Variants in POLR1A observed in about 807,000 individuals in gnomAD.
POLR1A encodes RNA polymerase I subunit A, also known as DNA-directed RNA polymerase I subunit RPA1.
In POLR1A, 84 loss-of-function variants were observed where a neutral mutation model predicts 205.3. That is an observed-to-expected ratio of 0.41 (90% CI 0.34 to 0.49). The LOEUF is 0.49. Among genes scored for constraint, POLR1A ranks in the 20% least tolerant of loss-of-function variants. The probability of loss-of-function intolerance (pLI) is 0.22; values close to 1 mark genes in which losing one functional copy is unlikely to be tolerated. For missense variants in POLR1A, 1,645 were observed against 2,204.5 expected (o/e 0.75, Z 5.08); for synonymous variants, 799 against 863.7 (o/e 0.93, Z 1.31).
At chr2:86,049,894 C>T (rs770381737) in intron 16 of POLR1A, among the ~76,000 whole-genome samples, 2 of 152,088 alleles carry the variant, frequency 1.3e-5, no homozygotes, top group African/African-American at 2.4e-5. Context: ...TCCACATCAA[C>T]TCTTGATCAA....
In POLR1A at chr2:86,078,135, G is replaced by A; in HGVS notation, c.1236C>T (p.Asp412=). 1 of 1,613,222 alleles carries A rather than the reference G, an allele frequency of 6.2e-7. No individual in the cohort carries two copies. The highest frequency in any genetic ancestry group is 8.5e-7 in the Non-Finnish European group (1 of 1,179,840). Residue 412 remains aspartate, a synonymous_variant, in exon 10 of 34, where the codon GAC becomes GAT. Coordinates refer to ENST00000263857, the MANE Select transcript of POLR1A (RefSeq NM_015425.6). ...FDSEMDKLMM[D]KYPGIRQILE... ...TCACCTGCCTAATGCCTGGGTACTTGTCCATCATTAGTTTGTCCATCTCGC... is the reference window on the plus strand; with the variant it reads ...TCACCTGCCTAATGCCTGGGTACTTATCCATCATTAGTTTGTCCATCTCGC...
intron 1 of POLR1A, among the ~76,000 whole-genome samples, chr2:86,101,072 A>G (rs1017160178): frequency 6.6e-6 from 1 of 152,208 alleles, no homozygotes; most frequent in Non-Finnish European, 1.5e-5. Flanking sequence ...ATTTGACAAC[A>G]TTAAACACAT....
At chr2:86,105,628 CT>C (rs1673912598) in intron 1 of POLR1A, 71 bp downstream of exon 1, 2 of 1,026,054 alleles carry the variant, frequency 1.9e-6, no homozygotes, top group Non-Finnish European at 3.1e-6. Context: ...GGCAAAAGCG[CT>C]TCTGGGAATC....
intron 23 of POLR1A, 130 bp downstream of exon 23, chr2:86,042,844 G>A: frequency 1.4e-6 from 1 of 721,904 alleles, no homozygotes; most frequent in Non-Finnish European, 2.4e-6. Flanking sequence ...GAGCCATTCT[G>A]TTCTGACTGA....
chr2:86,077,750 G>A, intron 11 of POLR1A, 109 bp downstream of exon 11: 1 of 1,297,500 alleles, frequency 7.7e-7, no homozygotes, highest in Non-Finnish European at 1.1e-6. Context: ...CCTGTCCCCA[G>A]TCCTCTGCGG....
In POLR1A at chr2:86,053,262, C is replaced by T. The variant is rs1038747996; in HGVS notation, c.2209-262G>A. Reference sequence around the variant, plus strand: ...CCCTTCAGGGACTATACCACAGAGACATACACACACACTCACACTCTCTCT... The same window carrying T: ...CCCTTCAGGGACTATACCACAGAGATATACACACACACTCACACTCTCTCT... On this transcript the variant is annotated intron_variant, in intron 15 of 33. Transcript: ENST00000263857. Among the ~76,000 whole-genome samples, 4 of 152,134 alleles carry T rather than the reference C, an allele frequency of 2.6e-5. No individual in the cohort carries two copies. The South Asian group carries it at 8.3e-4, about 32-fold the overall frequency.
At chr2:86,038,144 G>C (rs1392788883) in intron 27 of POLR1A, among the ~76,000 whole-genome samples, 1 of 152,206 alleles carries the variant, frequency 6.6e-6, no homozygotes, top group Non-Finnish European at 1.5e-5. Flanking sequence ...ACTTGAACTT[G>C]AGACAAAAGT....
intron 1 of POLR1A, among the ~76,000 whole-genome samples, chr2:86,104,651 T>G (rs947599008): frequency 2.6e-5 from 4 of 152,168 alleles, no homozygotes; most frequent in African/African-American, 9.7e-5. Context: ...TTTCACCATG[T>G]TGGCCAGGGA....
In POLR1A at chr2:86,027,109, G is replaced by C. The variant is rs191696458; in HGVS notation, c.*314C>G. 815 of 403,680 alleles carry C rather than the reference G, an allele frequency of 2.0e-3. 5 individuals carry two copies. Among genetic ancestry groups the C allele is most frequent in the Non-Finnish European group, 2.3e-3 (492 of 217,010 alleles). 25.0% of individuals were successfully genotyped at this position (403,680 alleles called of 1,614,324 possible). ...ATCGTGAATCAGGACTTCTCCTTAG[G>C]GGTTATGCCACAGAGGCCTCCTGCA... On this transcript the variant is annotated 3_prime_UTR_variant, in exon 34 of 34. Transcript: ENST00000263857.
In POLR1A at chr2:86,028,180, G is replaced by A. The variant is rs1013665694; in HGVS notation, c.4898-131C>T. The A allele has an allele frequency of 3.9e-5, 32 of 826,010 alleles. No individual in the cohort carries two copies. The African/African-American group carries it at 4.5e-4, about 12-fold the overall frequency. The allele number at this position is 826,010 out of a possible 1,614,324, so 51.2% of individuals were successfully genotyped here. A position where few individuals can be genotyped will look rare whatever the true frequency, so the allele number is the denominator to read the frequency against. Reference sequence around the variant, plus strand: ...GACTCTGGGGCTCCCCTTCAGCTCCGCCACCTGCTCACGCTACTTAACCCT... The same window carrying A: ...GACTCTGGGGCTCCCCTTCAGCTCCACCACCTGCTCACGCTACTTAACCCT... On this transcript the variant is annotated intron_variant, in intron 32 of 33. Transcript: ENST00000263857. This position sits in a 1 kb window ranked among gnomAD's most constrained non-coding sequence, Gnocchi z 4.5.
chr2:86,052,414 T>C (rs1323713628), intron 16 of POLR1A, among the ~76,000 whole-genome samples: 2 of 152,094 alleles, frequency 1.3e-5, no homozygotes, highest in Non-Finnish European at 2.9e-5. Context: ...AGAATGGAAA[T>C]GGGCACGAGG....
chr2:86,055,527 G>C (rs937829811), intron 14 of POLR1A, among the ~76,000 whole-genome samples: 4 of 152,228 alleles, frequency 2.6e-5, no homozygotes, highest in African/African-American at 9.6e-5. Context: ...GCAAAGGCAG[G>C]AGAGTGACAC....
chr2:86,103,581 T>A (rs1025682628), intron 1 of POLR1A, among the ~76,000 whole-genome samples: 7 of 152,370 alleles, frequency 4.6e-5, no homozygotes, highest in African/African-American at 1.7e-4. Context: ...TGCTTTTGGA[T>A]GAAATCGTAT....
chr2:86,090,709 G>A (rs1673586611), intron 3 of POLR1A, among the ~76,000 whole-genome samples: 1 of 152,196 alleles, frequency 6.6e-6, no homozygotes, highest in Middle Eastern at 3.2e-3. Flanking sequence ...AGGAGCCCTG[G>A]CCTTGAGTGC....
In POLR1A at chr2:86,020,483, G is replaced by C. The variant is rs1190679033; in HGVS notation, c.*6940C>G. ...GGGTTGCTTGGTCCTGGGACTTCGAGGCTGCTGTGAGCCGTGATTGCAACC... is the reference window on the plus strand; with the variant it reads ...GGGTTGCTTGGTCCTGGGACTTCGACGCTGCTGTGAGCCGTGATTGCAACC... On this transcript the variant is annotated 3_prime_UTR_variant, in exon 34 of 34. Transcript: ENST00000263857. 2.0e-5 allele frequency: 3 copies of C among 149,562 alleles called. No individual in the cohort carries two copies. Among genetic ancestry groups the C allele is most frequent in the Non-Finnish European group, 2.9e-5 (2 of 67,848 alleles). The allele number at this position is 149,562 out of a possible 1,614,324, so 9.3% of individuals were successfully genotyped here. A position where few individuals can be genotyped will look rare whatever the true frequency, so the allele number is the denominator to read the frequency against.
At chr2:86,091,546 G>A (rs1329910766) in intron 3 of POLR1A, among the ~76,000 whole-genome samples, 1 of 152,170 alleles carries the variant, frequency 6.6e-6, no homozygotes, top group Admixed American at 6.5e-5. Flanking sequence ...TGGACTGTAA[G>A]GGTGATAGTT....
chr2:86,081,517 G>T, intron 8 of POLR1A, 84 bp downstream of exon 8: 1 of 803,748 alleles, frequency 1.2e-6, no homozygotes, highest in South Asian at 1.8e-5. Context: ...AGTGCCCTTG[G>T]CCCTTTCACC....
chr2:86,073,739 G>A (rs745714750), intron 12 of POLR1A, among the ~76,000 whole-genome samples: 26 of 152,190 alleles, frequency 1.7e-4, no homozygotes, highest in Non-Finnish European at 3.1e-4. Flanking sequence ...GCGAGGATCC[G>A]TCTGCAGGGA....
rs1259289174 is a variant in POLR1A at position 86,033,758 on chromosome 2, T to C, written c.4064A>G (p.Lys1355Arg). Residue 1355 changes from lysine to arginine, a missense_variant, in exon 28 of 34, where the codon AAA becomes AGA. Physicochemically the swap from Lys to Arg is conservative, Grantham distance 26 (BLOSUM62 2). Coordinates refer to ENST00000263857, the MANE Select transcript of POLR1A (RefSeq NM_015425.6). The stretch of plus-strand genomic sequence containing the variant: ...AGCTGATGCTTTATTATTCTTCTTT[T>C]TGATGGATTCCATCAGAAGTTTAAA... ...RFFKLLMESIKKKNNKASAFR... is the reference protein window; with the variant it reads ...RFFKLLMESIRKKNNKASAFR... 1 of 1,613,856 alleles carries C rather than the reference T, an allele frequency of 6.2e-7. No individual in the cohort carries two copies. Among genetic ancestry groups the C allele is most frequent in the Admixed American group, 1.7e-5 (1 of 60,012 alleles).
Sources: gnomAD v4.1 joint callset for allele counts (sites outside exome capture counted in the v4.1 genomes callset) on GRCh38, gnomAD v4.1.1 for gene constraint, Gnocchi (gnomAD v3.1) non-coding constraint, MANE v1.5 for transcripts, NCBI Gene and HGNC (gene_info 2026-07-23, HGNC 2026-07-21) for gene names.